Variants in ANO6 observed in about 807,000 individuals in gnomAD.
ANO6 encodes anoctamin-6.
Under a neutral mutation model 117.5 loss-of-function variants are expected in ANO6, and 106 were observed. The ratio of observed to expected loss-of-function variants is 0.90; its 90% CI spans 0.77 to 1.06. The LOEUF is 1.06. ANO6 is among the 50% of genes least tolerant of loss of function. The probability of loss-of-function intolerance (pLI) is 0.00; values close to 1 mark genes in which losing one functional copy is unlikely to be tolerated. For synonymous variants in ANO6, 367 were observed against 385.1 expected (o/e 0.95, Z 0.55); for missense variants, 955 against 1,121.1 (o/e 0.85, Z 2.12).
At chr12:45,397,852 A>G (rs1242458016) in intron 12 of ANO6, among the ~76,000 whole-genome samples, 2 of 152,130 alleles carry the variant, frequency 1.3e-5, no homozygotes, top group Non-Finnish European at 2.9e-5. Flanking sequence ...GGGCTAGGGG[A>G]AGCATAGCAT....
At chr12:45,260,953 GT>G (rs573752380) in intron 1 of ANO6, among the ~76,000 whole-genome samples, 1 of 149,752 alleles carries the variant, frequency 6.7e-6, no homozygotes, top group Non-Finnish European at 1.5e-5. Context: ...GCAACCGGCT[GT>G]TTTTTTTGTT....
chr12:45,279,661 C>T (rs1482777300), intron 1 of ANO6, among the ~76,000 whole-genome samples: 1 of 152,190 alleles, frequency 6.6e-6, no homozygotes, highest in African/African-American at 2.4e-5. Flanking sequence ...GGGTTCCATT[C>T]CCACATTTGC....
At chr12:45,333,196 C>T (rs1409756345) in intron 3 of ANO6, among the ~76,000 whole-genome samples, 1 of 151,816 alleles carries the variant, frequency 6.6e-6, no homozygotes, top group African/African-American at 2.4e-5. Context: ...ATTATTAGAT[C>T]ATAAATTTTA....
chr12:45,432,943 A>C (rs1192909127), downstream of ANO6, among the ~76,000 whole-genome samples: 1 of 152,210 alleles, frequency 6.6e-6, no homozygotes, highest in East Asian at 1.9e-4. Flanking sequence ...TGCAATAGTC[A>C]GCCCAGAGAG....
At chr12:45,316,024 A>G in intron 2 of ANO6, among the ~76,000 whole-genome samples, 1 of 152,032 alleles carries the variant, frequency 6.6e-6, no homozygotes, top group East Asian at 1.9e-4. Flanking sequence ...TTCTCTAAAT[A>G]ATTCCTTTAA....
intron 8 of ANO6, among the ~76,000 whole-genome samples, chr12:45,367,154 G>A (rs1467471339): frequency 6.6e-6 from 1 of 152,080 alleles, no homozygotes; most frequent in African/African-American, 2.4e-5. Flanking sequence ...GCTAATTTTT[G>A]TATTTTTAGT....
chr12:45,413,028 G>A (rs1018406455), intron 16 of ANO6, among the ~76,000 whole-genome samples: 5 of 152,222 alleles, frequency 3.3e-5, no homozygotes, highest in Non-Finnish European at 5.9e-5. Flanking sequence ...TATCAGGTAG[G>A]CAGGGGCCAT....
intron 1 of ANO6, among the ~76,000 whole-genome samples, chr12:45,225,919 C>T (rs938167533): frequency 6.6e-6 from 1 of 152,176 alleles, no homozygotes; most frequent in South Asian, 2.1e-4. Flanking sequence ...AAATGTACTA[C>T]TCAACTGATT....
chr12:45,286,431 T>C (rs1334507714), intron 1 of ANO6, among the ~76,000 whole-genome samples: 1 of 152,194 alleles, frequency 6.6e-6, no homozygotes, highest in Non-Finnish European at 1.5e-5. Flanking sequence ...TTAAAAAATA[T>C]CCATACATTC....
Position 45,403,088 on chromosome 12 carries a change from G to A in ANO6, c.1629G>A (p.Gln543=). 6.2e-7 allele frequency: 1 copy of A among 1,613,914 alleles called. No homozygotes were observed. The highest frequency in any genetic ancestry group is 1.3e-5 in the African/African-American group (1 of 75,012). Residue 543 remains glutamine, a synonymous_variant, in exon 14 of 20, where the codon CAG becomes CAA. Transcript: ENST00000320560. ...TAACTACAGAACTCCCAAGGACCCA[G>A]ACTGATTATGAGAACAGCCTCACCA... ...MITNFELPRT[Q]TDYENSLTMK... is the part of the protein sequence containing the mutation.
chr12:45,436,657 TATAAA>T (rs1385710656), downstream of ANO6, among the ~76,000 whole-genome samples: 5 of 152,190 alleles, frequency 3.3e-5, no homozygotes, highest in Non-Finnish European at 7.3e-5. Flanking sequence ...GAATGTTTAA[TATAAA>T]ATAACAATCT....
chr12:45,273,583 A>C (rs1938456555), intron 1 of ANO6, among the ~76,000 whole-genome samples: 1 of 152,314 alleles, frequency 6.6e-6, no homozygotes, highest in East Asian at 1.9e-4. Context: ...GGGAATGATA[A>C]AACTTGATTG....
chr12:45,320,348 C>G (rs1940215581), intron 2 of ANO6, among the ~76,000 whole-genome samples: 1 of 152,006 alleles, frequency 6.6e-6, no homozygotes, highest in African/African-American at 2.4e-5. Context: ...CAAAGAACAT[C>G]TTTATTTCTG....
rs1445474558 is a variant in ANO6, at chr12:45,402,001, A to G, written c.1593A>G (p.Ala531=). ...TGAACACCATATATGAAAAAGTGGC[A>G]ATTATGATTACTAACTTCGGTAAGG... ...MILNTIYEKV[A]IMITNFELPR... The change falls in exon 13 of 20, where the codon GCA becomes GCG. Residue 531 remains alanine, a synonymous_variant. Coordinates refer to ENST00000320560, the MANE Select transcript of ANO6 (RefSeq NM_001025356.3). 6.2e-7 allele frequency: 1 copy of G among 1,613,838 alleles called. No homozygotes were observed. Among genetic ancestry groups the G allele is most frequent in the East Asian group, 2.2e-5 (1 of 44,876 alleles).
intron 1 of ANO6, among the ~76,000 whole-genome samples, chr12:45,248,141 A>T (rs1410621727): frequency 6.6e-6 from 1 of 152,206 alleles, no homozygotes; most frequent in Non-Finnish European, 1.5e-5. Context: ...CTATAAAGTT[A>T]ATTTCTTTTC....
At chr12:45,238,241 C>T (rs192290838) in intron 1 of ANO6, among the ~76,000 whole-genome samples, 241 of 150,728 alleles carry the variant, frequency 1.6e-3, no homozygotes, top group Admixed American at 4.0e-3. Context: ...AGCTCTGCCT[C>T]CCGGGTTCAA....
intron 16 of ANO6, among the ~76,000 whole-genome samples, chr12:45,411,616 C>T (rs1172107183): frequency 6.6e-6 from 1 of 152,214 alleles, no homozygotes; most frequent in Admixed American, 6.5e-5. Flanking sequence ...TCCTTAACAA[C>T]ACCACCATCT....
At chr12:45,319,514 T>C (rs999130537) in intron 2 of ANO6, among the ~76,000 whole-genome samples, 1 of 152,206 alleles carries the variant, frequency 6.6e-6, no homozygotes, top group African/African-American at 2.4e-5. Flanking sequence ...TGGATTTGGT[T>C]TGCCAGTATT....
At chr12:45,432,585 T>G (rs898040646), downstream of ANO6, among the ~76,000 whole-genome samples, 10 of 152,224 alleles carry the variant, frequency 6.6e-5, no homozygotes, top group African/African-American at 2.2e-4. Flanking sequence ...TTTTCATCAA[T>G]CTAGCAAATT....
Sources: allele counts gnomAD v4.1 joint callset (sites outside exome capture counted in the v4.1 genomes callset), GRCh38; gene constraint gnomAD v4.1.1; transcripts MANE v1.5; gene names NCBI Gene and HGNC (gene_info 2026-07-23, HGNC 2026-07-21).